Variants in SLC25A48 observed in about 807,000 individuals in gnomAD.
The protein encoded by SLC25A48 is solute carrier family 25 member 48, also known as CTC-321K16.1.
In SLC25A48, 29 loss-of-function variants were observed where a neutral mutation model predicts 32.2. That is an observed-to-expected ratio of 0.90 (90% confidence interval 0.67 to 1.23). SLC25A48 has a LOEUF of 1.23. SLC25A48 is among the 50% of genes most tolerant of loss of function. The probability of loss-of-function intolerance (pLI) is 0.00; values close to 1 mark genes in which losing one functional copy is unlikely to be tolerated. For synonymous variants in SLC25A48, 164 were observed against 172.3 expected, an observed-to-expected ratio of 0.95 and a Z score of 0.38; for missense variants, 399 against 422.7, an observed-to-expected ratio of 0.94 and a Z score of 0.49.
chr5:135,872,014 T>C (rs954839776), intron 5 of SLC25A48: 2 of 1,291,868 alleles, frequency 1.5e-6, no homozygotes, highest in Non-Finnish European at 2.0e-6. Flanking sequence ...TCCATTATCA[T>C]GGTTCAGTTT....
chr5:135,862,454 C>G (rs1346217962), intron 4 of SLC25A48, among the ~76,000 whole-genome samples: 1 of 152,230 alleles, frequency 6.6e-6, no homozygotes, highest in Non-Finnish European at 1.5e-5. Context: ...TTTGAATTCA[C>G]TGTGAACTGT....
At chr5:135,789,751 T>G (rs1172466194) in intron 3 of SLC25A48, among the ~76,000 whole-genome samples, 2 of 151,798 alleles carry the variant, frequency 1.3e-5, no homozygotes, top group Non-Finnish European at 2.9e-5. Context: ...GATAGCCTGG[T>G]ATTACTTCTC....
intron 4 of SLC25A48, among the ~76,000 whole-genome samples, chr5:135,857,380 T>A (rs182235899): frequency 1.1e-3 from 172 of 152,262 alleles, no homozygotes; most frequent in African/African-American, 4.0e-3. Flanking sequence ...CTGGCCAGTG[T>A]TAGGGAGCTG....
chr5:135,836,063 G>A (rs1758477369), intron 1 of SLC25A48, among the ~76,000 whole-genome samples: 2 of 152,228 alleles, frequency 1.3e-5, no homozygotes, highest in South Asian at 4.1e-4. Flanking sequence ...CCACCATTCA[G>A]CGGGGCAGGC....
chr5:135,626,345 C>G (rs1461196054), intron 1 of SLC25A48, among the ~76,000 whole-genome samples: 1 of 152,194 alleles, frequency 6.6e-6, no homozygotes, highest in African/African-American at 2.4e-5. Flanking sequence ...TCCATGGGTG[C>G]GTGACCTCTG....
At chr5:135,694,650 C>T (rs190612457) in intron 3 of SLC25A48, among the ~76,000 whole-genome samples, 5 of 152,074 alleles carry the variant, frequency 3.3e-5, no homozygotes, top group East Asian at 1.9e-4. Context: ...GGCTGGAGAG[C>T]GGTGGCATGA....
chr5:135,812,256 A>G (rs1757607152), intron 3 of SLC25A48, among the ~76,000 whole-genome samples: 1 of 152,178 alleles, frequency 6.6e-6, no homozygotes, highest in Non-Finnish European at 1.5e-5. Context: ...TAACAATCAC[A>G]TCAGGGTAAC....
chr5:135,748,992 T>C (rs1398933129), intron 3 of SLC25A48, among the ~76,000 whole-genome samples: 1 of 152,146 alleles, frequency 6.6e-6, no homozygotes, highest in African/African-American at 2.4e-5. Flanking sequence ...GTGCTGAGAT[T>C]ACAGATGTGA....
rs376191106 is a variant in SLC25A48, at chr5:135,706,029, G to C, written c.-521+71073G>C. 7.9e-5 allele frequency among the ~76,000 whole-genome samples: 12 copies of C among 152,186 alleles called. No individual in the cohort carries two copies. The East Asian group carries it at 1.7e-3, about 22-fold the overall frequency. Reference sequence around the variant, plus strand: ...TCTTTGAACTGGGCTGTCTCTTCCCGGCTGCCCTTCTGGTCATCGGCCCAA... The same window carrying C: ...TCTTTGAACTGGGCTGTCTCTTCCCCGCTGCCCTTCTGGTCATCGGCCCAA... On this transcript the variant is annotated intron_variant, in intron 3 of 10. Transcript: ENST00000646290.
intron 3 of SLC25A48, among the ~76,000 whole-genome samples, chr5:135,640,594 C>T (rs1319768868): frequency 1.3e-5 from 2 of 152,090 alleles, no homozygotes; most frequent in Non-Finnish European, 2.9e-5. Context: ...AAATCCTTAA[C>T]ACGTTATAAG....
intron 6 of SLC25A48, among the ~76,000 whole-genome samples, chr5:135,879,183 C>G (rs1364103537): frequency 6.6e-6 from 1 of 152,064 alleles, no homozygotes; most frequent in Non-Finnish European, 1.5e-5. Flanking sequence ...AGCATGCATC[C>G]TAGTGATGGA....
At chr5:135,723,426 G>C (rs1435146428) in intron 3 of SLC25A48, among the ~76,000 whole-genome samples, 1 of 89,376 alleles carries the variant, frequency 1.1e-5, no homozygotes, top group African/African-American at 3.0e-5. Context: ...TGGGGAGGGG[G>C]ACAGCTCTAG....
At chr5:135,696,671 A>G (rs1355313317) in intron 3 of SLC25A48, among the ~76,000 whole-genome samples, 3 of 152,232 alleles carry the variant, frequency 2.0e-5, no homozygotes, top group Admixed American at 1.3e-4. Flanking sequence ...AGGAGACCCA[A>G]CTGGGAAACT....
chr5:135,832,432 G>A (rs1241675330), upstream of SLC25A48, among the ~76,000 whole-genome samples: 1 of 152,178 alleles, frequency 6.6e-6, no homozygotes, highest in African/African-American at 2.4e-5. Context: ...TTTGCTGCCC[G>A]AGTGTGGCAG....
chr5:135,813,930 G>A lies in SLC25A48; in HGVS notation c.-117+1004G>A, dbSNP rs1401788462. Among the ~76,000 whole-genome samples the A allele has an allele frequency of 2.6e-5, 4 of 152,146 alleles. 1 individual carries two copies. Among genetic ancestry groups the A allele is most frequent in the East Asian group, 1.9e-4 (1 of 5,174 alleles). On this transcript the variant is annotated intron_variant, in intron 4 of 10. Transcript: ENST00000646290. ...CTGGGTGATGAGTGGTTGGAGACAA[G>A]GTCAGAAGTGAATCCCCGAGAAAGA...
intron 3 of SLC25A48, among the ~76,000 whole-genome samples, chr5:135,721,776 C>T (rs1253700515): frequency 6.6e-6 from 1 of 152,136 alleles, no homozygotes; most frequent in Non-Finnish European, 1.5e-5. Context: ...ACTGTGTGTC[C>T]ACAGCAGGCT....
At chr5:135,606,798 A>C (rs1283630838) in intron 1 of SLC25A48, among the ~76,000 whole-genome samples, 1 of 152,204 alleles carries the variant, frequency 6.6e-6, no homozygotes, top group Non-Finnish European at 1.5e-5. Context: ...AAATCTCCCC[A>C]ACCATAAATA....
chr5:135,789,816 T>C, intron 3 of SLC25A48, among the ~76,000 whole-genome samples: 1 of 152,000 alleles, frequency 6.6e-6, no homozygotes, highest in East Asian at 1.9e-4. Context: ...TCCTTTGTAA[T>C]ATCTACATTG....
intron 7 of SLC25A48, chr5:135,883,512 A>T: frequency 1.0e-6 from 1 of 977,868 alleles, no homozygotes; most frequent in Non-Finnish European, 1.2e-6. Context: ...GGCCACTGTC[A>T]TTCCTCTCTC....
Sources: allele counts gnomAD v4.1 joint callset (sites outside exome capture counted in the v4.1 genomes callset), GRCh38; gene constraint gnomAD v4.1.1; transcripts MANE v1.5; gene names NCBI Gene and HGNC (gene_info 2026-07-23, HGNC 2026-07-21).